Variants in PIBF1 observed in about 807,000 individuals in gnomAD.
The protein encoded by PIBF1 is progesterone-induced-blocking factor 1.
A neutral mutation model predicts 112.5 loss-of-function variants in PIBF1; 90 were observed. The observed-to-expected ratio is 0.80, with a 90% CI of 0.67 to 0.95. The LOEUF (loss-of-function observed/expected upper bound fraction) is 0.95, where lower values mean the gene tolerates loss of function less well. PIBF1 is among the 40% of genes least tolerant of loss of function. The probability of loss-of-function intolerance (pLI) is 0.00; values close to 1 mark genes in which losing one functional copy is unlikely to be tolerated. For missense variants in PIBF1, 915 were observed against 852.3 expected, an observed-to-expected ratio of 1.07 and a Z score of -0.92; for synonymous variants, 301 against 288.6, an observed-to-expected ratio of 1.04 and a Z score of -0.44.
At position 73,015,927 on chromosome 13, in the gene PIBF1, G is replaced by T. The variant is rs370210893; in HGVS notation, c.*8G>T. Reference sequence around the variant, plus strand: ...CAAAAGATGAAGACCTAGTGTTTTGGATGGGAAGCACCTGTAGACCATTAT... The same window carrying T: ...CAAAAGATGAAGACCTAGTGTTTTGTATGGGAAGCACCTGTAGACCATTAT... On this transcript the variant is annotated 3_prime_UTR_variant, in exon 18 of 18. Coordinates refer to ENST00000326291, the MANE Select transcript of PIBF1 (RefSeq NM_006346.4). 1.3e-6 allele frequency: 2 copies of T among 1,576,352 alleles called. No homozygotes were observed. Among genetic ancestry groups the T allele is most frequent in the African/African-American group, 2.7e-5 (2 of 73,774 alleles).
intron 11 of PIBF1, among the ~76,000 whole-genome samples, chr13:72,899,931 A>G (rs1428903789): frequency 6.6e-6 from 1 of 152,228 alleles, no homozygotes; most frequent in Non-Finnish European, 1.5e-5. Flanking sequence ...ATTGATGTAC[A>G]CAAATCAGTA....
At position 72,783,515 on chromosome 13, in the gene PIBF1, A is replaced by G. The variant is rs2034416623; in HGVS notation, c.46A>G (p.Ser16Gly). 2 of 1,611,932 alleles carry G rather than the reference A, an allele frequency of 1.2e-6. No individual in the cohort carries two copies. Among genetic ancestry groups the G allele is most frequent in the Non-Finnish European group, 1.7e-6 (2 of 1,178,048 alleles). Reference protein sequence around the residue: ...SKESKKVNISSSLESEDISLE... With the variant: ...SKESKKVNISGSLESEDISLE... The stretch of plus-strand genomic sequence containing the variant: ...GGAGTCAAAAAAAGTGAACATCTCT[A>G]GTTCTCTGGAATCTGAAGATATTAG... The change falls in exon 2 of 18, where the codon AGT (serine) becomes GGT (glycine). Residue 16 changes from serine to glycine, a missense_variant. Physicochemically the swap from Ser to Gly is moderately conservative, Grantham distance 56. Coordinates refer to ENST00000326291, the MANE Select transcript of PIBF1 (RefSeq NM_006346.4).
At chr13:72,795,618 T>C (rs145628963) in intron 4 of PIBF1, 61 bp downstream of exon 4, 17,196 of 1,024,960 alleles carry the variant, frequency 0.017, 191 homozygotes, top group Non-Finnish European at 0.021. Flanking sequence ...ATTTACCATT[T>C]ATATAGTAGC....
chr13:72,894,010 T>TAAATCTTGTAC, intron 11 of PIBF1, 61 bp downstream of exon 11: 1 of 914,944 alleles, frequency 1.1e-6, no homozygotes, highest in Non-Finnish European at 1.6e-6. Flanking sequence ...AAGTACAAGA[T>TAAATCTTGTAC]TTATATTGAG....
intron 10 of PIBF1, among the ~76,000 whole-genome samples, chr13:72,890,376 T>C (rs2040013123): frequency 6.6e-6 from 1 of 152,124 alleles, no homozygotes; most frequent in African/African-American, 2.4e-5. Context: ...TTTAACATTT[T>C]TTCTCCCTGT....
chr13:72,980,429 T>C (rs1011685418), intron 16 of PIBF1, among the ~76,000 whole-genome samples: 2 of 152,116 alleles, frequency 1.3e-5, no homozygotes, highest in Admixed American at 6.5e-5. Flanking sequence ...ACAGAGCCAG[T>C]TGTACGCAGT....
chr13:72,826,150 TAAA>T (rs1307800693), intron 6 of PIBF1, among the ~76,000 whole-genome samples: 1 of 151,860 alleles, frequency 6.6e-6, no homozygotes, highest in East Asian at 1.9e-4. Flanking sequence ...ATTCTAAAAA[TAAA>T]AAAGCACAAA....
intron 16 of PIBF1, among the ~76,000 whole-genome samples, chr13:72,979,924 CAAAAAAA>C (rs904882866): frequency 2.0e-5 from 3 of 150,534 alleles, no homozygotes; most frequent in Non-Finnish European, 4.4e-5. Flanking sequence ...GACTCTGTCT[CAAAAAAA>C]GAAAAAAGAA....
Position 72,827,651 on chromosome 13 carries a change from T to C in PIBF1, c.916-82T>C, listed in dbSNP as rs1453632405. The C allele has an allele frequency of 6.0e-6, 5 of 829,124 alleles. No individual in the cohort carries two copies. The East Asian group carries it at 1.2e-4, about 19-fold the overall frequency. 51.4% of individuals were successfully genotyped at this position (829,124 alleles called of 1,614,324 possible). A position where few individuals can be genotyped will look rare whatever the true frequency, so the allele number is the denominator to read the frequency against. On this transcript the variant is annotated intron_variant, in intron 7 of 17. Transcript: ENST00000326291. Reference sequence around the variant, plus strand: ...AATTTTCATGTGGTGAATGAAAACATGAAGGAAAGAAATTAATACAGTCAA... The same window carrying C: ...AATTTTCATGTGGTGAATGAAAACACGAAGGAAAGAAATTAATACAGTCAA...
intron 11 of PIBF1, among the ~76,000 whole-genome samples, chr13:72,894,772 A>AGTGTGTGTGTGT (rs35885902): frequency 1.4e-3 from 194 of 137,202 alleles, no homozygotes; most frequent in African/African-American, 1.9e-3. Flanking sequence ...ATATATATAT[A>AGTGTGTGTGTGT]GTGTGTGTGT....
intron 15 of PIBF1, among the ~76,000 whole-genome samples, chr13:72,967,296 A>G (rs2042768860): frequency 6.6e-6 from 1 of 152,204 alleles, no homozygotes; most frequent in Non-Finnish European, 1.5e-5. Context: ...GGAGGTATAT[A>G]AAAATCCTGA....
intron 16 of PIBF1, among the ~76,000 whole-genome samples, chr13:72,979,563 G>A (rs1170802866): frequency 1.3e-5 from 2 of 152,264 alleles, no homozygotes; most frequent in South Asian, 4.1e-4. Flanking sequence ...GTGAGTGAAG[G>A]TGGTGTCTTG....
intron 16 of PIBF1, among the ~76,000 whole-genome samples, chr13:72,990,119 C>T (rs1245771683): frequency 6.8e-6 from 1 of 147,006 alleles, no homozygotes; most frequent in African/African-American, 2.5e-5. Context: ...GAGGCTGAGG[C>T]AGGAGAATCA....
intron 17 of PIBF1, among the ~76,000 whole-genome samples, chr13:73,001,824 A>T (rs1395819670): frequency 6.6e-6 from 1 of 152,034 alleles, no homozygotes; most frequent in East Asian, 1.9e-4. Flanking sequence ...AGGTTTCACC[A>T]TGTTGGTCAG....
intron 16 of PIBF1, among the ~76,000 whole-genome samples, chr13:72,980,702 G>A (rs752599717): frequency 1.3e-5 from 2 of 151,962 alleles, no homozygotes; most frequent in Non-Finnish European, 2.9e-5. Context: ...GGCTGAGGTG[G>A]GAGGATCTGG....
chr13:72,872,009 AG>A (rs2039188029), intron 10 of PIBF1, among the ~76,000 whole-genome samples: 1 of 152,180 alleles, frequency 6.6e-6, no homozygotes, highest in Non-Finnish European at 1.5e-5. Context: ...TACGTTTAAG[AG>A]TACAGTTTCT....
At chr13:72,908,972 G>T (rs1468290830) in intron 12 of PIBF1, among the ~76,000 whole-genome samples, 1 of 151,794 alleles carries the variant, frequency 6.6e-6, no homozygotes. Context: ...GCTTGAACCC[G>T]GAAGGCAGAG....
At chr13:72,873,476 C>T (rs2039250723) in intron 10 of PIBF1, among the ~76,000 whole-genome samples, 1 of 152,070 alleles carries the variant, frequency 6.6e-6, no homozygotes, top group Non-Finnish European at 1.5e-5. Flanking sequence ...GATCTCTGCT[C>T]ACTGCAACCT....
chr13:72,809,115 G>A (rs1464507511), intron 5 of PIBF1, among the ~76,000 whole-genome samples: 3 of 141,068 alleles, frequency 2.1e-5, no homozygotes, highest in African/African-American at 7.9e-5. Context: ...TTCACCACTT[G>A]GGGGCAGTAT....
Sources: gnomAD v4.1 joint callset for allele counts (sites outside exome capture counted in the v4.1 genomes callset) on GRCh38, gnomAD v4.1.1 for gene constraint, MANE v1.5 for transcripts, NCBI Gene and HGNC (gene_info 2026-07-23, HGNC 2026-07-21) for gene names.